AGMO: variants seen among roughly 807,000 people sequenced by gnomAD.
AGMO encodes the protein glyceryl-ether monooxygenase.
In AGMO, 75 loss-of-function variants were observed where a neutral mutation model predicts 60.2. The ratio of observed to expected loss-of-function variants is 1.25; its 90% CI spans 1.03 to 1.51. The LOEUF is 1.51. Among genes scored for constraint, AGMO ranks in the 40% most tolerant of loss-of-function variants. The pLI, the probability that AGMO is intolerant of heterozygous loss-of-function variation, is 0.00. For synonymous variants in AGMO, 261 were observed against 177.1 expected (o/e 1.47, Z -3.76); for missense variants, 763 against 525.5 (o/e 1.45, Z -4.42).
chr7:15,313,675 A>T (rs1013875410), intron 12 of AGMO, among the ~76,000 whole-genome samples: 1 of 152,160 alleles, frequency 6.6e-6, no homozygotes, highest in African/African-American at 2.4e-5. Flanking sequence ...ATCTACAGGA[A>T]GTTTCATTCC....
chr7:15,256,960 G>A (rs1403590132), intron 12 of AGMO, among the ~76,000 whole-genome samples: 1 of 152,186 alleles, frequency 6.6e-6, no homozygotes, highest in South Asian at 2.1e-4. Context: ...GGCATTCCAT[G>A]GTGTTCTTCT....
rs1319502864 is a variant in AGMO, at chr7:15,200,518, G to C, written c.*767C>G. 6.6e-6 allele frequency: 1 copy of C among 152,208 alleles called. No individual in the cohort carries two copies. The highest frequency in any genetic ancestry group is 6.5e-5 in the Admixed American group (1 of 15,288). 9.4% of individuals were successfully genotyped at this position (152,208 alleles called of 1,614,324 possible). ...AGTGATGTCTTTTTTCTTTGAGACG[G>C]AGTCTCGCTCTGTCGCCCAGGCTGG... is the stretch of plus-strand genomic sequence containing the variant. On this transcript the variant is annotated 3_prime_UTR_variant, in exon 13 of 13. Coordinates refer to ENST00000342526, the MANE Select transcript of AGMO (RefSeq NM_001004320.2).
rs148360714 is a variant in AGMO at position 15,217,079 on chromosome 7, G to A, written c.1264-15720C>T. On this transcript the variant is annotated intron_variant, in intron 12 of 12. Coordinates refer to ENST00000342526, the MANE Select transcript of AGMO (RefSeq NM_001004320.2). ...AAATACTAGAGTCTATGGAAAACGA[G>A]AAGGTGAGGAAGGAAATACAGTTGA... is the stretch of plus-strand genomic sequence containing the variant. Among the ~76,000 whole-genome samples, 284 of 152,168 alleles carry A rather than the reference G, an allele frequency of 1.9e-3. 1 individual carries two copies. Among genetic ancestry groups the A allele is most frequent in the African/African-American group, 6.7e-3 (277 of 41,538 alleles).
At chr7:15,413,491 A>T (rs1229074706) in intron 5 of AGMO, among the ~76,000 whole-genome samples, 1 of 152,156 alleles carries the variant, frequency 6.6e-6, no homozygotes, top group Non-Finnish European at 1.5e-5. Flanking sequence ...CCCCAGATTA[A>T]TGTTTTTTAA....
rs887958507 is a variant in AGMO, at chr7:15,398,135, G to A, written c.610-3956C>T. Among the ~76,000 whole-genome samples, 15 of 152,120 alleles carry A rather than the reference G, an allele frequency of 9.9e-5. No homozygotes were observed. In the South Asian group the frequency reaches 1.7e-3, roughly 17 times the overall value. On this transcript the variant is annotated intron_variant, in intron 5 of 12. Coordinates refer to ENST00000342526, the MANE Select transcript of AGMO (RefSeq NM_001004320.2). ...GTTACAAAAACAAACAACAAATGTGGGTGGAGAGGACTACACTGACCAGCT... is the reference window on the plus strand; with the variant it reads ...GTTACAAAAACAAACAACAAATGTGAGTGGAGAGGACTACACTGACCAGCT...
At position 15,276,473 on chromosome 7, in the gene AGMO, C is replaced by T. The variant is rs186850821; in HGVS notation, c.1264-75114G>A. The stretch of plus-strand genomic sequence containing the variant: ...TCTAGCTGCTTTTAAGATTTTTTTT[C>T]TTTCAGGTTGACTTTGAATAATCTG... On this transcript the variant is annotated intron_variant, in intron 12 of 12. Transcript: ENST00000342526. Among the ~76,000 whole-genome samples, 664 of 151,782 alleles carry T rather than the reference C, an allele frequency of 4.4e-3. 2 individuals carry two copies. The highest frequency in any genetic ancestry group is 0.01 in the Middle Eastern group (3 of 294).
At chr7:15,307,545 C>G (rs1050320197) in intron 12 of AGMO, among the ~76,000 whole-genome samples, 1 of 151,202 alleles carries the variant, frequency 6.6e-6, no homozygotes, top group African/African-American at 2.4e-5. Context: ...TCTTATGAAG[C>G]CTATAAGAAG....
intron 12 of AGMO, among the ~76,000 whole-genome samples, chr7:15,333,562 G>A (rs1338206974): frequency 6.8e-6 from 1 of 146,846 alleles, no homozygotes; most frequent in African/African-American, 2.5e-5. Context: ...TATACCCTTT[G>A]GATTACTTGA....
chr7:15,209,970 A>G (rs888502973), intron 12 of AGMO, among the ~76,000 whole-genome samples: 1 of 152,186 alleles, frequency 6.6e-6, no homozygotes, highest in Non-Finnish European at 1.5e-5. Flanking sequence ...CAAGCTATGA[A>G]AAAAGGTGTG....
At chr7:15,162,335 G>T in the AGMO span, among the ~76,000 whole-genome samples, 9 of 152,120 alleles carry the variant, frequency 5.9e-5, no homozygotes, top group African/African-American at 2.2e-4. Flanking sequence ...ACTCAAGGTA[G>T]GTTTCTGTAT....
At chr7:15,561,591 A>T (rs1785308295) in intron 1 of AGMO, 129 bp downstream of exon 1, 1 of 988,384 alleles carries the variant, frequency 1.0e-6, no homozygotes. Context: ...GCCTTTAAGA[A>T]ACTGAATTAT....
chr7:15,237,879 A>G (rs10085800), intron 12 of AGMO, among the ~76,000 whole-genome samples: 32,666 of 151,896 alleles, frequency 0.22, 3,755 homozygotes, highest in South Asian at 0.34. Context: ...CCTTCTTTCA[A>G]CTTCTTGACA....
rs80197902 is a variant in AGMO at position 15,300,542 on chromosome 7, T to G, written c.1263+64972A>C. Among the ~76,000 whole-genome samples, 1,007 of 152,258 alleles carry G rather than the reference T, an allele frequency of 6.6e-3. 7 individuals carry two copies. Among genetic ancestry groups the G allele is most frequent in the African/African-American group, 0.023 (940 of 41,550 alleles). Reference sequence around the variant, plus strand: ...AAGAAAATGCTTGCTACAGTTATTTTAAAACCCTTAAAGAGTGAAAGCACA... The same window carrying G: ...AAGAAAATGCTTGCTACAGTTATTTGAAAACCCTTAAAGAGTGAAAGCACA... On this transcript the variant is annotated intron_variant, in intron 12 of 12. Transcript: ENST00000342526.
chr7:15,284,547 A>C (rs959115369), intron 12 of AGMO, among the ~76,000 whole-genome samples: 1 of 152,050 alleles, frequency 6.6e-6, no homozygotes, highest in Non-Finnish European at 1.5e-5. Flanking sequence ...TGAACACACC[A>C]ATAACAACCA....
chr7:15,560,297 A>G (rs200965027), intron 1 of AGMO, 26 bp from the exon 2 acceptor site: 50 of 1,608,664 alleles, frequency 3.1e-5, no homozygotes, highest in Non-Finnish European at 3.9e-5. Context: ...CAGAAAAGAG[A>G]TGCTATTATG....
chr7:15,225,677 A>G, intron 12 of AGMO, among the ~76,000 whole-genome samples: 1 of 151,928 alleles, frequency 6.6e-6, no homozygotes, highest in East Asian at 1.9e-4. Flanking sequence ...TTCTATTATG[A>G]TTGTTACTCA....
intron 12 of AGMO, among the ~76,000 whole-genome samples, chr7:15,322,641 AATATATAAAT>A (rs1563086671): frequency 3.7e-4 from 19 of 50,710 alleles, no homozygotes; most frequent in South Asian, 1.4e-3. Context: ...AATATATATA[AATATATAAAT>A]ATATATATAA....
intron 12 of AGMO, among the ~76,000 whole-genome samples, chr7:15,311,774 T>C (rs960718183): frequency 2.6e-5 from 4 of 152,134 alleles, no homozygotes; most frequent in African/African-American, 9.7e-5. Context: ...AAAATAGAAA[T>C]TGATCTGTTG....
At chr7:15,351,113 T>G (rs1037237994) in intron 12 of AGMO, among the ~76,000 whole-genome samples, 1 of 152,146 alleles carries the variant, frequency 6.6e-6, no homozygotes, top group African/African-American at 2.4e-5. Flanking sequence ...GTATAGTTGA[T>G]AAGAAGGTTG....
Sources: allele counts gnomAD v4.1 joint callset (sites outside exome capture counted in the v4.1 genomes callset), GRCh38; gene constraint gnomAD v4.1.1; transcripts MANE v1.5; gene names NCBI Gene and HGNC (gene_info 2026-07-23, HGNC 2026-07-21).